LRRK2: variants seen among roughly 807,000 people sequenced by gnomAD.
LRRK2 encodes leucine-rich repeat serine/threonine-protein kinase 2.
A neutral mutation model predicts 302.6 loss-of-function variants in LRRK2; 203 were observed. The observed-to-expected ratio is 0.67, with a 90% confidence interval of 0.60 to 0.75. LRRK2 has a LOEUF of 0.75. LRRK2 is among the 30% of genes least tolerant of loss of function. The probability of loss-of-function intolerance (pLI) is 0.00; values close to 1 mark genes in which losing one functional copy is unlikely to be tolerated. For synonymous variants in LRRK2, 1,066 were observed against 1,031.9 expected (o/e 1.03, Z -0.63); for missense variants, 2,830 against 2,951.0 (o/e 0.96, Z 0.95).
At chr12:40,293,894 C>CATATATATATATATATATATAT (rs1491426750) in intron 21 of LRRK2, among the ~76,000 whole-genome samples, 876 of 70,320 alleles carry the variant, frequency 0.012, 24 homozygotes, top group Admixed American at 0.021. Flanking sequence ...TTTTTTGGGG[C>CATATATATATATATATATATAT]ACATATATAT....
chr12:40,276,062 A>C (rs1233325077), intron 16 of LRRK2, among the ~76,000 whole-genome samples: 1 of 152,320 alleles, frequency 6.6e-6, no homozygotes, highest in Admixed American at 6.5e-5. Context: ...AAATTCTTAG[A>C]TTAATAACAA....
intron 33 of LRRK2, among the ~76,000 whole-genome samples, chr12:40,317,051 C>A (rs1378792774): frequency 6.6e-6 from 1 of 152,078 alleles, no homozygotes; most frequent in Admixed American, 6.6e-5. Flanking sequence ...AGGTTTGCAT[C>A]AGAACTCCCC....
intron 14 of LRRK2, among the ~76,000 whole-genome samples, chr12:40,268,150 GA>G (rs2136567528): frequency 6.6e-6 from 1 of 152,236 alleles, no homozygotes; most frequent in South Asian, 2.1e-4. Context: ...ACCTGTTCCA[GA>G]GAGATATATT....
At chr12:40,294,373 T>C (rs1944297819) in intron 21 of LRRK2, among the ~76,000 whole-genome samples, 1 of 152,064 alleles carries the variant, frequency 6.6e-6, no homozygotes, top group African/African-American at 2.4e-5. Flanking sequence ...TTGAAAGACC[T>C]GTTCTAACCT....
intron 21 of LRRK2, among the ~76,000 whole-genome samples, chr12:40,294,217 A>C (rs1255231307): frequency 1.3e-5 from 2 of 151,464 alleles, no homozygotes; most frequent in Non-Finnish European, 2.9e-5. Flanking sequence ...TGGTGTATTG[A>C]AAGTCATTTA....
intron 14 of LRRK2, among the ~76,000 whole-genome samples, chr12:40,266,412 C>G (rs539971776): frequency 6.6e-6 from 1 of 152,348 alleles, no homozygotes; most frequent in South Asian, 2.1e-4. Flanking sequence ...TCCTCATCAT[C>G]ATTGGCCATC....
Position 40,315,262 on chromosome 12 carries a change from T to C in LRRK2, c.4789T>C (p.Phe1597Leu), listed in dbSNP as rs1326777359. The C allele has an allele frequency of 6.2e-7, 1 of 1,612,808 alleles. No individual in the cohort carries two copies. The highest frequency in any genetic ancestry group is 1.1e-5 in the South Asian group (1 of 91,070). ...DPALQLSDLY[F>L]VEPKWLCKIM... Reference sequence around the variant, plus strand: ...AGCACTGCAGTTAAGTGACTTGTACTTTGTGGAACCCAAGTGGCTTTGTAA... The same window carrying C: ...AGCACTGCAGTTAAGTGACTTGTACCTTGTGGAACCCAAGTGGCTTTGTAA... The change falls in exon 33 of 51, where the codon TTT becomes CTT. Residue 1597 changes from phenylalanine to leucine, a missense_variant. By Grantham distance (22) the Phe-to-Leu change is conservative. This residue lies in a region of LRRK2 where 2,121 missense variants were observed against 2,148.0 expected (regional missense o/e 0.99). Transcript: ENST00000298910.
intron 11 of LRRK2, among the ~76,000 whole-genome samples, chr12:40,253,494 T>C (rs1344572653): frequency 1.3e-5 from 2 of 152,168 alleles, no homozygotes; most frequent in African/African-American, 4.8e-5. Flanking sequence ...CAGGTGATGC[T>C]CCCACCTCAG....
chr12:40,254,880 C>T (rs1185427868), intron 11 of LRRK2, among the ~76,000 whole-genome samples: 1 of 152,132 alleles, frequency 6.6e-6, no homozygotes, highest in Non-Finnish European at 1.5e-5. Flanking sequence ...GCATGAAGAA[C>T]TTGAGTAGCT....
intron 46 of LRRK2, among the ~76,000 whole-genome samples, chr12:40,359,023 TG>T (rs1946625093): frequency 6.6e-6 from 1 of 152,038 alleles, no homozygotes; most frequent in Non-Finnish European, 1.5e-5. Context: ...GCTACTTTGT[TG>T]TTGTTGTTGT....
In LRRK2 at chr12:40,365,031, CATG is replaced by C. The variant is rs781195936; in HGVS notation, c.7376_7378del (p.Met2459del). On this transcript the variant is annotated inframe_deletion, in exon 49 of 51. Transcript: ENST00000298910. Reference sequence around the variant, plus strand: ...ACAACTTTTGTAATTCGGTCAGAGTCATGATGACAGCACAGCTAGGCAAGTTTC... The same window carrying C: ...ACAACTTTTGTAATTCGGTCAGAGTCATGACAGCACAGCTAGGCAAGTTTC... 1.9e-6 allele frequency: 3 copies of C among 1,612,270 alleles called. No homozygotes were observed. In the Middle Eastern group the frequency reaches 5.0e-4, roughly 267 times the overall value.
chr12:40,257,879 A>G (rs1176004610), intron 12 of LRRK2, among the ~76,000 whole-genome samples: 3 of 151,844 alleles, frequency 2.0e-5, no homozygotes, highest in Non-Finnish European at 4.4e-5. Flanking sequence ...TAGTGGCACA[A>G]CAGAGACCAT....
chr12:40,300,708 T>C, intron 25 of LRRK2: 1 of 449,234 alleles, frequency 2.2e-6, no homozygotes, highest in Non-Finnish European at 4.6e-6. Context: ...AAACTCGGTC[T>C]CTGTCCTTAA....
intron 43 of LRRK2, among the ~76,000 whole-genome samples, chr12:40,350,347 G>T (rs1946314478): frequency 6.6e-6 from 1 of 152,186 alleles, no homozygotes; most frequent in Non-Finnish European, 1.5e-5. Flanking sequence ...GGGGTCCACT[G>T]ACCTCTCTGG....
chr12:40,345,622 C>CAAAAAAAAAAAAAA (rs144415226), intron 41 of LRRK2, among the ~76,000 whole-genome samples: 1 of 67,504 alleles, frequency 1.5e-5, no homozygotes, highest in Non-Finnish European at 2.6e-5. Context: ...GACTCCATCT[C>CAAAAAAAAAAAAAA]AAAAAAAAAA....
Position 40,363,442 on chromosome 12 carries a change from G to T in LRRK2, c.7069G>T (p.Val2357Leu). The change falls in exon 48 of 51, where the codon GTG becomes TTG. Residue 2357 changes from valine to leucine, a missense_variant. Val to Leu is a conservative substitution (Grantham distance 32). Around this residue, in one of 3 missense-constraint regions of LRRK2, gnomAD observed 456 missense variants for 456.3 expected, o/e 1.00. Transcript: ENST00000298910. ...TTTCAGTGATTCCAACATCATAACA[G>T]TGGTGGTAGACACTGCTCTCTATAT... ...AAFSDSNIIT[V>L]VVDTALYIAK... 2.5e-6 allele frequency: 4 copies of T among 1,611,990 alleles called. No homozygotes were observed. The highest frequency in any genetic ancestry group is 3.4e-6 in the Non-Finnish European group (4 of 1,178,688).
At chr12:40,326,602 C>T (rs532724263) in intron 38 of LRRK2, among the ~76,000 whole-genome samples, 1 of 151,938 alleles carries the variant, frequency 6.6e-6, no homozygotes, top group South Asian at 2.1e-4. Flanking sequence ...TGATAGTTGT[C>T]CAGATTGAGG....
At position 40,310,434 on chromosome 12, in the gene LRRK2, C is replaced by G. The variant is rs33939927; in HGVS notation, c.4321C>G (p.Arg1441Gly). Reference protein sequence around the residue: ...MKPWLFNIKARASSSPVILVG... With the variant: ...MKPWLFNIKAGASSSPVILVG... ...GGTTTTGTGTCTTTCCCTCCAGGCT[C>G]GCGCTTCTTCTTCCCCTGTGATTCT... Residue 1441 changes from arginine (R) to glycine (G), a missense_variant, in exon 31 of 51, where the codon CGC becomes GGC. By Grantham distance (125) the Arg-to-Gly change is moderately radical. Around this residue, in one of 3 missense-constraint regions of LRRK2, gnomAD observed 2,121 missense variants for 2,148.0 expected, o/e 0.99. Coordinates refer to ENST00000298910, the MANE Select transcript of LRRK2 (RefSeq NM_198578.4). 5 of 1,612,956 alleles carry G rather than the reference C, an allele frequency of 3.1e-6. No individual in the cohort carries two copies. Among genetic ancestry groups the G allele is most frequent in the Admixed American group, 3.3e-5 (2 of 59,842 alleles).
In LRRK2 at chr12:40,321,096, G is replaced by A. The variant is rs774443529; in HGVS notation, c.5078G>A (p.Arg1693Gln). ...PHCENSEIII[R>Q]LYEMPYFPMG... ...TGTGAGAACTCTGAAATTATCATCC[G>A]ACTATATGAAATGCCTTATTTTCCA... Residue 1693 changes from arginine (R) to glutamine (Q), a missense_variant, in exon 35 of 51, where the codon CGA (arginine) becomes CAA (glutamine). Around this residue, in one of 3 missense-constraint regions of LRRK2, gnomAD observed 2,121 missense variants for 2,148.0 expected, o/e 0.99. Coordinates refer to ENST00000298910, the MANE Select transcript of LRRK2 (RefSeq NM_198578.4). 3 of 1,612,836 alleles carry A rather than the reference G, an allele frequency of 1.9e-6. No individual in the cohort carries two copies. The highest frequency in any genetic ancestry group is 2.5e-6 in the Non-Finnish European group (3 of 1,179,066).
Sources: gnomAD v4.1 joint callset for allele counts (sites outside exome capture counted in the v4.1 genomes callset) on GRCh38, gnomAD v4.1.1 for gene constraint, gnomAD v4.1.1 regional missense constraint, MANE v1.5 for transcripts, NCBI Gene and HGNC (gene_info 2026-07-23, HGNC 2026-07-21) for gene names.